The following GALK1 variants were observed in gnomAD, a reference collection of about 807,000 sequenced individuals.
GALK1 encodes the protein galactokinase 1, also known as galactokinase.
A neutral mutation model predicts 38.6 loss-of-function variants in GALK1; 30 were observed. That is an observed-to-expected ratio of 0.78 (90% confidence interval 0.58 to 1.05). The LOEUF (loss-of-function observed/expected upper bound fraction) is 1.05. Among genes scored for constraint, GALK1 ranks in the 50% least tolerant of loss-of-function variants. The pLI is 0.00. For synonymous variants in GALK1, 240 were observed against 233.6 expected, an observed-to-expected ratio of 1.03 and a Z score of -0.25; for missense variants, 512 against 540.5, an observed-to-expected ratio of 0.95 and a Z score of 0.52.
chr17:75,758,082 C>G lies in GALK1; in HGVS notation c.1153G>C (p.Asp385His), dbSNP rs777202950. ...CACAAGCACAGCACCTTGGCTCCATCGGCTGCTTGAGAGAGGTAGAAGGTG... is the reference window on the plus strand; with the variant it reads ...CACAAGCACAGCACCTTGGCTCCATGGGCTGCTTGAGAGAGGTAGAAGGTG... ...TATFYLSQAA[D>H]GAKVLCL Residue 385 changes from aspartate (D) to histidine (H), a missense_variant, in exon 8 of 8, where the codon GAT (aspartate) becomes CAT (histidine). By Grantham distance (81) the Asp-to-His change is moderately conservative (BLOSUM62 -1). Transcript: ENST00000588479. 6.2e-7 allele frequency: 1 copy of G among 1,612,484 alleles called. No individual in the cohort carries two copies. The highest frequency in any genetic ancestry group is 1.1e-5 in the South Asian group (1 of 91,078).
At chr17:75,752,901 G>A (rs573766039), downstream of GALK1, among the ~76,000 whole-genome samples, 13 of 152,272 alleles carry the variant, frequency 8.5e-5, no homozygotes, top group East Asian at 1.7e-3. Context: ...GCCTGGCCCA[G>A]GAGCCCTGGG....
downstream of GALK1, chr17:75,755,777 A>G (rs1193884243): frequency 1.9e-6 from 3 of 1,612,356 alleles, no homozygotes; most frequent in African/African-American, 2.7e-5. Flanking sequence ...CATCTCTCAG[A>G]GTGAGCTGGC....
intron 5 of GALK1, among the ~76,000 whole-genome samples, chr17:75,759,285 G>A (rs574141542): frequency 4.1e-4 from 62 of 152,144 alleles, no homozygotes; most frequent in African/African-American, 1.4e-3. Context: ...AAAGTTAGCC[G>A]GGCATCGTGG....
At chr17:75,756,425 C>T (rs1485991484), downstream of GALK1, 3 of 1,613,056 alleles carry the variant, frequency 1.9e-6, no homozygotes, top group Admixed American at 3.3e-5. Flanking sequence ...CCTGATCCCC[C>T]CAGGTGAGCT....
Position 75,757,945 on chromosome 17 carries a change from T to C in GALK1, c.*111A>G. 7.9e-7 allele frequency: 1 copy of C among 1,257,946 alleles called. No homozygotes were observed. Among genetic ancestry groups the C allele is most frequent in the Non-Finnish European group, 1.1e-6 (1 of 881,040 alleles). 77.9% of individuals were successfully genotyped at this position (1,257,946 alleles called of 1,614,324 possible). On this transcript the variant is annotated 3_prime_UTR_variant, in exon 8 of 8. Coordinates refer to ENST00000588479, the MANE Select transcript of GALK1 (RefSeq NM_000154.2). Reference sequence around the variant, plus strand: ...CCTCTAGAGGAGGCAGGTACCACATTGGAGGCACAAGTTTATTGAGCACCC... The same window carrying C: ...CCTCTAGAGGAGGCAGGTACCACATCGGAGGCACAAGTTTATTGAGCACCC...
downstream of GALK1, chr17:75,754,973 T>G (rs897532182): frequency 3.3e-6 from 5 of 1,534,208 alleles, no homozygotes; most frequent in Non-Finnish European, 3.6e-6. Context: ...CATGCACACA[T>G]GTACACAGAC....
At chr17:75,756,359 G>C, downstream of GALK1, 4 of 1,564,420 alleles carry the variant, frequency 2.6e-6, no homozygotes, top group Non-Finnish European at 3.5e-6. Context: ...GGCAGCTTAG[G>C]GACGAGGAGG....
downstream of GALK1, chr17:75,757,054 AG>A: frequency 6.2e-7 from 1 of 1,612,690 alleles, no homozygotes; most frequent in Non-Finnish European, 8.5e-7. Context: ...AGGACCACTG[AG>A]GGCTTCGGGC....
At chr17:75,754,954 G>C, downstream of GALK1, 1 of 1,260,858 alleles carries the variant, frequency 7.9e-7, no homozygotes, top group Non-Finnish European at 1.1e-6. Context: ...ACGCACACAC[G>C]TGCACACGCA....
At chr17:75,764,637 G>A (rs1448063458) in intron 1 of GALK1, 1 of 484,568 alleles carries the variant, frequency 2.1e-6, no homozygotes, top group Admixed American at 3.1e-5. Flanking sequence ...ACGGTGGCCG[G>A]AGGCGCGGAG....
At position 75,765,179 on chromosome 17, in the gene GALK1, C is replaced by G. The variant is rs1331072125; in HGVS notation, c.-43G>C. 32 of 1,397,428 alleles carry G rather than the reference C, an allele frequency of 2.3e-5. No homozygotes were observed. The highest frequency in any genetic ancestry group is 2.2e-4 in the Middle Eastern group (1 of 4,570). 86.6% of individuals were successfully genotyped at this position (1,397,428 alleles called of 1,614,324 possible). A position where few individuals can be genotyped will look rare whatever the true frequency, so the allele number is the denominator to read the frequency against. Reference sequence around the variant, plus strand: ...CTGCACAGCTGCTCCGGCACAGCCCCGTCGGCGCGGGATGCTCGGGCGGGG... The same window carrying G: ...CTGCACAGCTGCTCCGGCACAGCCCGGTCGGCGCGGGATGCTCGGGCGGGG... On this transcript the variant is annotated 5_prime_UTR_variant, in exon 1 of 8. Coordinates refer to ENST00000588479, the MANE Select transcript of GALK1 (RefSeq NM_000154.2).
At chr17:75,755,328 C>A (rs910465687), downstream of GALK1, 10 of 1,132,980 alleles carry the variant, frequency 8.8e-6, no homozygotes, top group Non-Finnish European at 1.2e-5. Context: ...TCCACAGGAC[C>A]CCCGCCTGCC....
downstream of GALK1, chr17:75,756,922 G>T (rs2061523346): frequency 6.2e-7 from 1 of 1,612,258 alleles, no homozygotes; most frequent in African/African-American, 1.3e-5. Context: ...CGCAGACGCT[G>T]AAGGCATCTT....
At chr17:75,754,423 G>A (rs2061439281), downstream of GALK1, 2 of 893,478 alleles carry the variant, frequency 2.2e-6, no homozygotes, top group Non-Finnish European at 1.8e-6. Flanking sequence ...AGGGACAGAG[G>A]GCCTCTGTCC....
At chr17:75,754,484 G>A (rs114762017), downstream of GALK1, 3,459 of 1,528,580 alleles carry the variant, frequency 2.3e-3, 80 homozygotes, top group African/African-American at 0.042. Flanking sequence ...CACCCAGAGG[G>A]TGGGTGACCA....
At chr17:75,761,436 A>G (rs2061586789) in intron 5 of GALK1, among the ~76,000 whole-genome samples, 1 of 150,998 alleles carries the variant, frequency 6.6e-6, no homozygotes. Flanking sequence ...CCTGGCCAAC[A>G]TGAAACCCCG....
chr17:75,756,599 C>A, downstream of GALK1: 1 of 1,612,918 alleles, frequency 6.2e-7, no homozygotes, highest in Non-Finnish European at 8.5e-7. Context: ...CCCGCAGAGC[C>A]CACTGTGTCC....
downstream of GALK1, chr17:75,756,930 C>A: frequency 6.2e-7 from 1 of 1,612,432 alleles, no homozygotes; most frequent in Non-Finnish European, 8.5e-7. Flanking sequence ...CTGAAGGCAT[C>A]TTCCCTGCTC....
downstream of GALK1, chr17:75,757,499 C>T (rs752256002): frequency 1.2e-6 from 2 of 1,613,228 alleles, no homozygotes; most frequent in South Asian, 1.1e-5. Flanking sequence ...GAGCCGGACA[C>T]TGACCACCAG....
Sources: allele counts gnomAD v4.1 joint callset (sites outside exome capture counted in the v4.1 genomes callset), GRCh38; gene constraint gnomAD v4.1.1; transcripts MANE v1.5; gene names NCBI Gene and HGNC (gene_info 2026-07-23, HGNC 2026-07-21).